EDIL3: variants seen among roughly 807,000 people sequenced by gnomAD.
EDIL3 encodes the protein EGF-like repeat and discoidin I-like domain-containing protein 3.
A neutral mutation model predicts 67.4 loss-of-function variants in EDIL3; 37 were observed. The observed-to-expected ratio is 0.55, with a 90% CI of 0.42 to 0.72. The LOEUF (loss-of-function observed/expected upper bound fraction) is 0.72, where lower values mean the gene tolerates loss of function less well. EDIL3 is among the 30% of genes least tolerant of loss of function. EDIL3 has a pLI of 0.00. For missense variants in EDIL3, 527 were observed against 586.3 expected (o/e 0.90, Z 1.04); for synonymous variants, 195 against 196.3 (o/e 0.99, Z 0.05).
At chr5:84,340,212 T>C (rs76293438) in intron 1 of EDIL3, among the ~76,000 whole-genome samples, 3,372 of 151,838 alleles carry the variant, frequency 0.022, 61 homozygotes, top group Non-Finnish European at 0.032. Context: ...TAATATGGTC[T>C]TCATAAATGT....
At chr5:84,191,334 C>T (rs546272009) in intron 3 of EDIL3, among the ~76,000 whole-genome samples, 1 of 152,118 alleles carries the variant, frequency 6.6e-6, no homozygotes, top group Admixed American at 6.6e-5. Context: ...TCCGTGACTG[C>T]CATGTTAATC....
chr5:84,028,058 T>C (rs1342267594), intron 9 of EDIL3, among the ~76,000 whole-genome samples: 1 of 152,168 alleles, frequency 6.6e-6, no homozygotes, highest in East Asian at 1.9e-4. Flanking sequence ...CCACGTTTTT[T>C]CCTAAATTAA....
chr5:83,956,335 G>C (rs563760954), intron 10 of EDIL3, among the ~76,000 whole-genome samples: 1 of 151,750 alleles, frequency 6.6e-6, no homozygotes, highest in African/African-American at 2.4e-5. Context: ...AGGAGACCCA[G>C]GGCTATTTGC....
chr5:84,175,309 T>C (rs1748883468), intron 4 of EDIL3, among the ~76,000 whole-genome samples: 1 of 152,034 alleles, frequency 6.6e-6, no homozygotes, highest in South Asian at 2.1e-4. Flanking sequence ...TGGAGCTACA[T>C]AGTGAGCCTT....
At chr5:84,335,085 G>A (rs1169550252) in intron 1 of EDIL3, among the ~76,000 whole-genome samples, 1 of 152,042 alleles carries the variant, frequency 6.6e-6, no homozygotes, top group Non-Finnish European at 1.5e-5. Flanking sequence ...AATTTACACA[G>A]TGATGACTTC....
intron 9 of EDIL3, among the ~76,000 whole-genome samples, chr5:83,985,575 C>T (rs2112153641): frequency 6.6e-6 from 1 of 152,022 alleles, no homozygotes; most frequent in South Asian, 2.1e-4. Flanking sequence ...AAATTTCTTG[C>T]TTATCTCTGT....
intron 1 of EDIL3, among the ~76,000 whole-genome samples, chr5:84,279,665 C>G (rs1325526016): frequency 5.3e-5 from 8 of 152,136 alleles, no homozygotes; most frequent in Non-Finnish European, 1.0e-4. Flanking sequence ...GAGCTTTGCC[C>G]TTTGCTATCA....
intron 9 of EDIL3, among the ~76,000 whole-genome samples, chr5:83,972,218 T>C (rs2112139535): frequency 6.6e-6 from 1 of 152,260 alleles, no homozygotes; most frequent in South Asian, 2.1e-4. Flanking sequence ...TACTGAAGGT[T>C]TACTCTGTCT....
chr5:84,354,680 A>G (rs1476080646), intron 1 of EDIL3, among the ~76,000 whole-genome samples: 2 of 152,046 alleles, frequency 1.3e-5, no homozygotes, highest in African/African-American at 2.4e-5. Context: ...GCACTAAAAA[A>G]TAAAATTAAC....
chr5:84,263,193 G>A (rs769353825), intron 1 of EDIL3, among the ~76,000 whole-genome samples: 1 of 152,172 alleles, frequency 6.6e-6, no homozygotes, highest in Non-Finnish European at 1.5e-5. Context: ...AAGCATGAGA[G>A]AGGGCCACCA....
At chr5:83,959,911 A>G (rs1255397050) in intron 10 of EDIL3, among the ~76,000 whole-genome samples, 1 of 151,000 alleles carries the variant, frequency 6.6e-6, no homozygotes, top group East Asian at 2.0e-4. Flanking sequence ...TACATTTTCA[A>G]GTGTTTAAAT....
intron 5 of EDIL3, among the ~76,000 whole-genome samples, chr5:84,116,209 A>C (rs1580334395): frequency 2.0e-5 from 3 of 150,354 alleles, no homozygotes; most frequent in Admixed American, 1.3e-4. Flanking sequence ...AAAAAAAAAA[A>C]CCCCAAGAGA....
At chr5:84,312,259 G>C (rs1251286179) in intron 1 of EDIL3, among the ~76,000 whole-genome samples, 26 of 134,882 alleles carry the variant, frequency 1.9e-4, no homozygotes, top group South Asian at 2.3e-4. Context: ...CCTCCCTCCC[G>C]GACGGGGCAG....
intron 9 of EDIL3, among the ~76,000 whole-genome samples, chr5:83,975,796 A>G (rs903495160): frequency 6.6e-6 from 1 of 151,914 alleles, no homozygotes; most frequent in African/African-American, 2.4e-5. Flanking sequence ...CTAAAAGTAT[A>G]ATATCAGAAA....
intron 3 of EDIL3, among the ~76,000 whole-genome samples, chr5:84,198,790 G>A (rs1459902949): frequency 2.0e-5 from 3 of 152,024 alleles, no homozygotes; most frequent in Admixed American, 6.6e-5. Context: ...TTTGGATCTG[G>A]CCAGAGCAAG....
At chr5:83,963,672 T>G (rs75414732) in intron 9 of EDIL3, among the ~76,000 whole-genome samples, 1 of 136,374 alleles carries the variant, frequency 7.3e-6, no homozygotes, top group Non-Finnish European at 1.6e-5. Context: ...TTTTTTTTTT[T>G]GTAACTGAGA....
chr5:84,086,858 G>A (rs776602128), intron 6 of EDIL3, among the ~76,000 whole-genome samples: 9 of 152,094 alleles, frequency 5.9e-5, no homozygotes, highest in Non-Finnish European at 8.8e-5. Flanking sequence ...CCTCTGTCTC[G>A]TTACCCAGTG....
chr5:83,997,146 G>A (rs1205126291), intron 9 of EDIL3, among the ~76,000 whole-genome samples: 1 of 152,154 alleles, frequency 6.6e-6, no homozygotes, highest in East Asian at 1.9e-4. Context: ...GGGGAAATGT[G>A]CAGTAGTTGG....
At chr5:84,089,995 G>A (rs1174906979) in intron 6 of EDIL3, among the ~76,000 whole-genome samples, 1 of 152,036 alleles carries the variant, frequency 6.6e-6, no homozygotes, top group Admixed American at 6.6e-5. Context: ...GAACTCCTAG[G>A]ACCCAGTTAA....
Sources: gnomAD v4.1 joint callset for allele counts (sites outside exome capture counted in the v4.1 genomes callset) on GRCh38, gnomAD v4.1.1 for gene constraint, MANE v1.5 for transcripts, NCBI Gene and HGNC (gene_info 2026-07-23, HGNC 2026-07-21) for gene names.